Variants in LRRC37A2 observed in about 807,000 individuals in gnomAD.
LRRC37A2 encodes the protein leucine-rich repeat-containing protein 37A2.
Under a neutral mutation model 68.8 loss-of-function variants are expected in LRRC37A2, and 9 were observed. The observed-to-expected ratio is 0.13, with a 90% CI of 0.08 to 0.23. The LOEUF is 0.23. LRRC37A2 is among the 10% of genes least tolerant of loss of function. LRRC37A2 has a pLI of 1.00. For missense variants in LRRC37A2, 168 were observed against 950.4 expected (o/e 0.18, Z 10.82); for synonymous variants, 63 against 367.6 (o/e 0.17, Z 9.48).
At chr17:46,820,491 G>A in the LRRC37A2 span, among the ~76,000 whole-genome samples, 2 of 152,008 alleles carry the variant, frequency 1.3e-5, no homozygotes, top group African/African-American at 2.4e-5. Context: ...GGGGGGAGGC[G>A]GAGAGCACCA....
At chr17:46,992,698 C>G in the LRRC37A2 span, among the ~76,000 whole-genome samples, 1 of 151,708 alleles carries the variant, frequency 6.6e-6, no homozygotes, top group East Asian at 1.9e-4. Flanking sequence ...ACTAAAAATA[C>G]AAAAATTAGC....
chr17:46,728,798 G>C, the LRRC37A2 span: 1 of 1,018,466 alleles, frequency 9.8e-7, no homozygotes, highest in South Asian at 1.7e-5. Context: ...AAAACTGAAT[G>C]TTTGGAATAT....
chr17:46,884,843 C>T, the LRRC37A2 span, among the ~76,000 whole-genome samples: 1 of 152,082 alleles, frequency 6.6e-6, no homozygotes, highest in Non-Finnish European at 1.5e-5. Flanking sequence ...AAGGGAGAGG[C>T]CGTGGAGCTG....
At chr17:46,622,508 C>T in the LRRC37A2 span, among the ~76,000 whole-genome samples, 269 of 149,302 alleles carry the variant, frequency 1.8e-3, 13 homozygotes, top group African/African-American at 6.5e-3. Context: ...TGTGGCTGGA[C>T]GCAGTGGCTC....
chr17:47,000,063 T>TAAAATAAAATAAAATAAAA, the LRRC37A2 span, among the ~76,000 whole-genome samples: 1 of 17,734 alleles, frequency 5.6e-5, no homozygotes, highest in Non-Finnish European at 1.6e-4. Flanking sequence ...TAAAATAAAA[T>TAAAATAAAATAAAATAAAA]TAAAATAAAA....
At chr17:47,044,930 T>TGA in the LRRC37A2 span, among the ~76,000 whole-genome samples, 3 of 150,178 alleles carry the variant, frequency 2.0e-5, no homozygotes, top group Admixed American at 6.6e-5. Flanking sequence ...GAGGATCACT[T>TGA]GAGCACAGGA....
the LRRC37A2 span, among the ~76,000 whole-genome samples, chr17:46,784,774 TTTC>T: frequency 2.3e-5 from 2 of 86,290 alleles, no homozygotes; most frequent in African/African-American, 4.6e-5. Flanking sequence ...CCTTTTTGCT[TTTC>T]TTTTTTTTTT....
At chr17:46,410,113 G>T in the LRRC37A2 span, among the ~76,000 whole-genome samples, 1 of 108,618 alleles carries the variant, frequency 9.2e-6, no homozygotes, top group Non-Finnish European at 2.0e-5. Flanking sequence ...TTTAGAGAAA[G>T]AGCTCAAACA....
At chr17:46,856,738 C>T in the LRRC37A2 span, among the ~76,000 whole-genome samples, 1 of 150,656 alleles carries the variant, frequency 6.6e-6, no homozygotes, top group Non-Finnish European at 1.5e-5. Context: ...CCCACCTCAG[C>T]CTCCCAAAGT....
chr17:46,904,686 A>T, the LRRC37A2 span, among the ~76,000 whole-genome samples: 2 of 152,152 alleles, frequency 1.3e-5, no homozygotes, highest in African/African-American at 4.8e-5. Context: ...CTGCTCTTCT[A>T]GTTCTCATTG....
At chr17:46,834,915 C>T in the LRRC37A2 span, among the ~76,000 whole-genome samples, 3 of 152,224 alleles carry the variant, frequency 2.0e-5, no homozygotes, top group Non-Finnish European at 4.4e-5. Flanking sequence ...ATTGAGCTCA[C>T]CTGTCAGTGT....
chr17:46,780,727 A>G, the LRRC37A2 span, among the ~76,000 whole-genome samples: 1 of 152,022 alleles, frequency 6.6e-6, no homozygotes, highest in African/African-American at 2.4e-5. Context: ...CAGTGAGCTG[A>G]GATGGCGCCA....
chr17:47,039,393 CA>C, the LRRC37A2 span, among the ~76,000 whole-genome samples: 26 of 76,038 alleles, frequency 3.4e-4, no homozygotes, highest in African/African-American at 1.3e-3. Flanking sequence ...TTTGTAGAGA[CA>C]GGGTTTTACT....
the LRRC37A2 span, among the ~76,000 whole-genome samples, chr17:46,946,983 C>T: frequency 6.6e-6 from 1 of 152,212 alleles, no homozygotes; most frequent in Non-Finnish European, 1.5e-5. Flanking sequence ...CAACTGACTG[C>T]TGCCCCTGGG....
the LRRC37A2 span, among the ~76,000 whole-genome samples, chr17:46,877,741 C>A: frequency 6.6e-6 from 1 of 152,304 alleles, no homozygotes; most frequent in Middle Eastern, 3.4e-3. Context: ...GTTCACAATA[C>A]TGAAGAACAG....
chr17:46,887,765 A>AAAG, the LRRC37A2 span, among the ~76,000 whole-genome samples: 7 of 150,718 alleles, frequency 4.6e-5, no homozygotes, highest in African/African-American at 1.7e-4. Flanking sequence ...CTCCCTGTCC[A>AAAG]AAAGAAAGAA....
At chr17:46,635,657 G>A in the LRRC37A2 span, among the ~76,000 whole-genome samples, 76 of 79,548 alleles carry the variant, frequency 9.6e-4, no homozygotes, top group African/African-American at 4.1e-3. Flanking sequence ...GATAAAAGTT[G>A]GTCAGCTTTC....
chr17:46,955,382 G>A, the LRRC37A2 span: 1 of 152,024 alleles, frequency 6.6e-6, no homozygotes, highest in African/African-American at 2.4e-5. Context: ...GATCATGGTG[G>A]ATAAGCTTTT....
At chr17:46,769,847 G>C in the LRRC37A2 span, 1 of 1,613,402 alleles carries the variant, frequency 6.2e-7, no homozygotes, top group South Asian at 1.1e-5. Flanking sequence ...GTTCTCGCGC[G>C]CATCCGCGAA....
Sources: gnomAD v4.1 joint callset for allele counts (sites outside exome capture counted in the v4.1 genomes callset) on GRCh38, gnomAD v4.1.1 for gene constraint, MANE v1.5 for transcripts, NCBI Gene and HGNC (gene_info 2026-07-23, HGNC 2026-07-21) for gene names.